Variants in RPS6KA3 observed in about 807,000 individuals in gnomAD.
RPS6KA3 encodes ribosomal protein S6 kinase A3.
RPS6KA3 carries 4 observed loss-of-function variants against 67.2 expected under a neutral mutation model. That is an observed-to-expected ratio of 0.06 (90% CI 0.03 to 0.14). RPS6KA3 has a LOEUF of 0.14. Among genes scored for constraint, RPS6KA3 ranks in the 10% least tolerant of loss-of-function variants. The probability of loss-of-function intolerance (pLI) is 1.00; values close to 1 mark genes in which losing one functional copy is unlikely to be tolerated. For missense variants in RPS6KA3, 204 were observed against 559.0 expected (o/e 0.36, Z 6.40); for synonymous variants, 182 against 183.7 (o/e 0.99, Z 0.07).
At chrX:20,259,067 T>C (rs1309752154) in intron 1 of RPS6KA3, among the ~76,000 whole-genome samples, 1 of 111,968 alleles carries the variant, frequency 8.9e-6, no homozygotes, top group African/African-American at 3.2e-5. Flanking sequence ...TTTGGTAATA[T>C]GCCCAGCAAA....
chrX:20,221,670 C>T (rs1456044246), intron 2 of RPS6KA3, among the ~76,000 whole-genome samples: 2 of 111,752 alleles, frequency 1.8e-5, no homozygotes, highest in African/African-American at 6.5e-5. Context: ...GGTGACAGGC[C>T]CATGAGTGTA....
At chrX:20,189,512 G>T (rs1251931155) in intron 7 of RPS6KA3, among the ~76,000 whole-genome samples, 1 of 112,172 alleles carries the variant, frequency 8.9e-6, no homozygotes, top group Admixed American at 9.5e-5. Context: ...TGACACTCAG[G>T]TTTCTGGCTT....
chrX:20,179,473 A>G (rs1057066970), intron 10 of RPS6KA3, among the ~76,000 whole-genome samples: 1 of 111,273 alleles, frequency 9.0e-6, no homozygotes, highest in Non-Finnish European at 1.9e-5. Context: ...GACCATTTAA[A>G]AGGTAGTCAG....
chrX:20,150,737 C>T lies in RPS6KA3; in HGVS notation c.*4661G>A, dbSNP rs1489135041. The T allele has an allele frequency of 8.9e-6, 1 of 112,616 alleles. No homozygotes were observed. The highest frequency in any genetic ancestry group is 2.8e-4 in the East Asian group (1 of 3,615). 9.3% of individuals were successfully genotyped at this position (112,616 alleles called of 1,213,427 possible). A position where few individuals can be genotyped will look rare whatever the true frequency, so the allele number is the denominator to read the frequency against. ...TAGAGAGGACTATTATAGCGACTCT[C>T]TTCTCATATACGTTTACATATACTC... On this transcript the variant is annotated 3_prime_UTR_variant, in exon 22 of 22. Coordinates refer to ENST00000379565, the MANE Select transcript of RPS6KA3 (RefSeq NM_004586.3).
In RPS6KA3 at chrX:20,155,376, C is replaced by CA. The variant is rs1275846866; in HGVS notation, c.*21dup. ...GTGCTATCAGCTTACACCATGGTAC[C>CA]AAATATCTCACTGAGGTCACTTCAC... On this transcript the variant is annotated 3_prime_UTR_variant, in exon 22 of 22. Coordinates refer to ENST00000379565, the MANE Select transcript of RPS6KA3 (RefSeq NM_004586.3). The CA allele has an allele frequency of 5.0e-6, 6 of 1,207,543 alleles. No individual in the cohort carries two copies. Among genetic ancestry groups the CA allele is most frequent in the Non-Finnish European group, 6.7e-6 (6 of 894,013 alleles).
intron 20 of RPS6KA3, among the ~76,000 whole-genome samples, chrX:20,157,703 A>G (rs2067219889): frequency 9.0e-6 from 1 of 110,599 alleles, no homozygotes; most frequent in Admixed American, 9.8e-5. Flanking sequence ...AGAGGAAGAT[A>G]AGACCTGTAG....
rs1460875275 is a variant in RPS6KA3 at position 20,154,366 on chromosome X, T to A, written c.*1032A>T. 8.9e-6 allele frequency: 1 copy of A among 112,614 alleles called. No individual in the cohort carries two copies. Among genetic ancestry groups the A allele is most frequent in the African/African-American group, 3.2e-5 (1 of 30,983 alleles). 9.3% of individuals were successfully genotyped at this position (112,614 alleles called of 1,213,427 possible). A position where few individuals can be genotyped will look rare whatever the true frequency, so the allele number is the denominator to read the frequency against. ...TTAAATTAGTGTTTAATATAGAATA[T>A]CTATTTAAACATGAAATATCCAATA... On this transcript the variant is annotated 3_prime_UTR_variant, in exon 22 of 22. Coordinates refer to ENST00000379565, the MANE Select transcript of RPS6KA3 (RefSeq NM_004586.3).
intron 2 of RPS6KA3, among the ~76,000 whole-genome samples, chrX:20,215,605 C>T (rs1379406305): frequency 8.9e-6 from 1 of 111,990 alleles, no homozygotes; most frequent in East Asian, 2.8e-4. Context: ...GTTGAGATCT[C>T]AATGCCCAGA....
intron 16 of RPS6KA3, 49 bp from the exon 17 acceptor site, chrX:20,167,796 C>T (rs772353370): frequency 2.4e-6 from 2 of 821,261 alleles, no homozygotes; most frequent in Non-Finnish European, 3.7e-6. Flanking sequence ...ACTATATGTG[C>T]CCAAAACGAA....
chrX:20,167,014 G>A (rs371309699), intron 17 of RPS6KA3, among the ~76,000 whole-genome samples: 4 of 110,408 alleles, frequency 3.6e-5, no homozygotes, highest in South Asian at 3.8e-4. Flanking sequence ...CACTGCACCC[G>A]GCCGCCTTGT....
Position 20,234,733 on chromosome X carries a change from C to T in RPS6KA3, c.126+25G>A, listed in dbSNP as rs773451757. The T allele has an allele frequency of 4.9e-6, 5 of 1,019,322 alleles. No homozygotes were observed. The South Asian group carries it at 7.5e-5, about 15-fold the overall frequency. 84.0% of individuals were successfully genotyped at this position (1,019,322 alleles called of 1,213,427 possible). A position where few individuals can be genotyped will look rare whatever the true frequency, so the allele number is the denominator to read the frequency against. On this transcript the variant is annotated intron_variant, in intron 2 of 21. Transcript: ENST00000379565. ...TTACAGTATTTCATTTATCTATACC[C>T]TTTGTGATAAAATATTTTACTTACA...
At chrX:20,216,946 T>C (rs1305879194) in intron 2 of RPS6KA3, among the ~76,000 whole-genome samples, 1 of 112,284 alleles carries the variant, frequency 8.9e-6, no homozygotes, top group African/African-American at 3.2e-5. Flanking sequence ...CCAGGTATTG[T>C]ACTAGGTGTT....
intron 18 of RPS6KA3, 30 bp from the exon 19 acceptor site, chrX:20,163,070 T>A: frequency 1.1e-6 from 1 of 893,987 alleles, no homozygotes; most frequent in Non-Finnish European, 1.7e-6. Context: ...AGTATTACTA[T>A]ACCACCATTT....
At position 20,168,749 on chromosome X, in the gene RPS6KA3, AT is replaced by A. The variant is rs1195441639; in HGVS notation, c.1443+652del. On this transcript the variant is annotated intron_variant, in intron 16 of 21. Coordinates refer to ENST00000379565, the MANE Select transcript of RPS6KA3 (RefSeq NM_004586.3). ...CTTCTTAAAGCAAAAGTAGAAAAAA[AT>A]AACTGTACAAACATATCTTTATTGA... 1.1e-4 allele frequency among the ~76,000 whole-genome samples: 12 copies of A among 112,860 alleles called. No homozygotes were observed. In the East Asian group the frequency reaches 3.3e-3, roughly 31 times the overall value.
chrX:20,188,614 A>T, intron 7 of RPS6KA3, 80 bp from the exon 8 acceptor site: 1 of 524,688 alleles, frequency 1.9e-6, no homozygotes, highest in Non-Finnish European at 3.3e-6. Context: ...ATCCTTAAGC[A>T]TCAGATCACC....
intron 1 of RPS6KA3, among the ~76,000 whole-genome samples, chrX:20,249,949 G>A (rs1175845437): frequency 8.9e-6 from 1 of 112,009 alleles, no homozygotes; most frequent in Non-Finnish European, 1.9e-5. Flanking sequence ...GATTTGGGTT[G>A]AGACTTATTG....
At chrX:20,254,677 A>G (rs1244379144) in intron 1 of RPS6KA3, among the ~76,000 whole-genome samples, 1 of 112,572 alleles carries the variant, frequency 8.9e-6, no homozygotes, top group African/African-American at 3.2e-5. Context: ...TAAGTCCCTA[A>G]AACGGTAACA....
rs59124978 is a variant in RPS6KA3, at chrX:20,175,117, A to G, written c.1227+47T>C. ...AAAAGATCTATTCACAGAATGAACT[A>G]TATCTTACAACATTCCAAATCTAAA... On this transcript the variant is annotated intron_variant, in intron 14 of 21. Transcript: ENST00000379565. The G allele has an allele frequency of 4.5e-6, 5 of 1,107,474 alleles. No homozygotes were observed. In the African/African-American group the frequency reaches 5.4e-5, roughly 12 times the overall value. The allele number at this position is 1,107,474 out of a possible 1,213,427, so 91.3% of individuals were successfully genotyped here. A position where few individuals can be genotyped will look rare whatever the true frequency, so the allele number is the denominator to read the frequency against.
At chrX:20,161,791 G>A in intron 19 of RPS6KA3, 30 bp from the exon 20 acceptor site, 2 of 572,221 alleles carry the variant, frequency 3.5e-6, no homozygotes, top group Non-Finnish European at 4.9e-6. Context: ...AAATATTAAT[G>A]AATAAAATTT....
Sources: gnomAD v4.1 joint callset for allele counts (sites outside exome capture counted in the v4.1 genomes callset) on GRCh38, gnomAD v4.1.1 for gene constraint, MANE v1.5 for transcripts, NCBI Gene and HGNC (gene_info 2026-07-23, HGNC 2026-07-21) for gene names.